GRIA3: variants seen among roughly 807,000 people sequenced by gnomAD.
GRIA3 encodes the protein glutamate receptor 3.
A neutral mutation model predicts 63.0 loss-of-function variants in GRIA3; 3 were observed. That is an observed-to-expected ratio of 0.05 (90% CI 0.02 to 0.12). GRIA3 has a LOEUF of 0.12. Among genes scored for constraint, GRIA3 ranks in the 10% least tolerant of loss-of-function variants. The pLI is 1.00. For missense variants in GRIA3, 347 were observed against 700.9 expected (o/e 0.50, Z 5.70); for synonymous variants, 274 against 257.9 (o/e 1.06, Z -0.60).
At position 123,229,309 on chromosome X, in the gene GRIA3, G is replaced by A. The variant is rs182056106; in HGVS notation, c.269-23994G>A. Among the ~76,000 whole-genome samples, 74 of 112,025 alleles carry A rather than the reference G, an allele frequency of 6.6e-4. 1 individual carries two copies. In the East Asian group the frequency reaches 0.017, roughly 26 times the overall value. On this transcript the variant is annotated intron_variant, in intron 2 of 15. Transcript: ENST00000620443. ...TCATGATGACCGTGAAACTGTAAAA[G>A]ACTTGGAGGTACTTTCTGATTTATT...
chrX:123,227,513 A>C (rs1476187281), intron 2 of GRIA3, among the ~76,000 whole-genome samples: 1 of 112,057 alleles, frequency 8.9e-6, no homozygotes. Flanking sequence ...TAAGTCAGTC[A>C]GCAATTACTT....
chrX:123,234,712 C>T (rs1217521284), intron 2 of GRIA3, among the ~76,000 whole-genome samples: 2 of 111,708 alleles, frequency 1.8e-5, no homozygotes, highest in East Asian at 5.6e-4. Flanking sequence ...GGGTCCTTAA[C>T]ACATATATAA....
intron 4 of GRIA3, among the ~76,000 whole-genome samples, chrX:123,352,049 A>G (rs2045098474): frequency 9.2e-6 from 1 of 109,142 alleles, no homozygotes; most frequent in Non-Finnish European, 1.9e-5. Context: ...CCACATTTAT[A>G]TAGCATCACA....
intron 2 of GRIA3, among the ~76,000 whole-genome samples, chrX:123,199,274 A>ATTTTTT (rs5903635): frequency 2.5e-5 from 2 of 78,624 alleles, no homozygotes; most frequent in Non-Finnish European, 4.7e-5. Flanking sequence ...AGTCTTTTAA[A>ATTTTTT]TTTTTTTTTT....
chrX:123,336,255 T>G (rs1373308757), intron 4 of GRIA3, among the ~76,000 whole-genome samples: 2 of 112,351 alleles, frequency 1.8e-5, no homozygotes, highest in Non-Finnish European at 3.8e-5. Context: ...AGACTCAAGT[T>G]CTTCACTGCA....
chrX:123,293,320 C>T (rs1159091260), intron 3 of GRIA3, among the ~76,000 whole-genome samples: 2 of 111,376 alleles, frequency 1.8e-5, no homozygotes, highest in Admixed American at 9.5e-5. Context: ...TTACAAAGCA[C>T]CCAGTATAGT....
intron 4 of GRIA3, among the ~76,000 whole-genome samples, chrX:123,352,550 C>G (rs1490516364): frequency 1.8e-5 from 2 of 111,935 alleles, no homozygotes; most frequent in East Asian, 5.6e-4. Flanking sequence ...TTTCACAACA[C>G]TGATGTCTTC....
chrX:123,314,860 C>T (rs1315702802), intron 3 of GRIA3, among the ~76,000 whole-genome samples: 2 of 112,027 alleles, frequency 1.8e-5, no homozygotes, highest in Non-Finnish European at 3.8e-5. Flanking sequence ...TATTGGGGTA[C>T]CTGTTAGCTC....
chrX:123,207,288 T>C, intron 2 of GRIA3, among the ~76,000 whole-genome samples: 1 of 112,138 alleles, frequency 8.9e-6, no homozygotes, highest in Non-Finnish European at 1.9e-5. Context: ...GTATTGAGAA[T>C]AATGAGTTAA....
chrX:123,234,430 G>A (rs187850724), intron 2 of GRIA3, among the ~76,000 whole-genome samples: 2 of 111,890 alleles, frequency 1.8e-5, no homozygotes, highest in East Asian at 5.6e-4. Context: ...TATGACTCTG[G>A]AATACTGATG....
intron 3 of GRIA3, among the ~76,000 whole-genome samples, chrX:123,261,797 C>T (rs2044461643): frequency 9.0e-6 from 1 of 111,581 alleles, no homozygotes. Context: ...GCTAAAATGT[C>T]ATCATACGAG....
Position 123,482,981 on chromosome X carries a change from T to G in GRIA3, c.2622T>G (p.Thr874=). The G allele has an allele frequency of 8.3e-7, 1 of 1,204,484 alleles. No individual in the cohort carries two copies. The highest frequency in any genetic ancestry group is 1.1e-6 in the Non-Finnish European group (1 of 889,093). The change falls in exon 15 of 16, where the codon ACT becomes ACG. Residue 874 remains threonine, a synonymous_variant. Transcript: ENST00000620443. Reference sequence around the variant, plus strand: ...TTAAGCCTGCTCCTGCCACCAACACTCAGAATTATGCTACATACAGAGAAG... The same window carrying G: ...TTAAGCCTGCTCCTGCCACCAACACGCAGAATTATGCTACATACAGAGAAG... The part of the protein sequence containing the change: ...QNFKPAPATN[T]QNYATYREGY...
chrX:123,338,141 TA>T (rs1233868268), intron 4 of GRIA3, among the ~76,000 whole-genome samples: 2 of 111,691 alleles, frequency 1.8e-5, no homozygotes, highest in Non-Finnish European at 3.8e-5. Flanking sequence ...ACCCCATCAA[TA>T]AAAGGTGGCA....
At chrX:123,281,685 T>C (rs750969599) in intron 3 of GRIA3, among the ~76,000 whole-genome samples, 2 of 111,670 alleles carry the variant, frequency 1.8e-5, no homozygotes, top group South Asian at 3.8e-4. Context: ...CAAATACATA[T>C]AGCCTTCCCA....
In GRIA3 at chrX:123,360,339, C is replaced by T. The variant is rs191928738; in HGVS notation, c.750+5376C>T. ...AATGTAAATAAATGAAGCACAAGCTCTAAATTTATGAGGATGAAGTGATCA... is the reference window on the plus strand; with the variant it reads ...AATGTAAATAAATGAAGCACAAGCTTTAAATTTATGAGGATGAAGTGATCA... On this transcript the variant is annotated intron_variant, in intron 5 of 15. Transcript: ENST00000620443. 3.7e-5 allele frequency among the ~76,000 whole-genome samples: 4 copies of T among 109,288 alleles called. No individual in the cohort carries two copies. In the Admixed American group the frequency reaches 3.9e-4, roughly 11 times the overall value. The allele number at this position is 109,288 out of a possible 115,157, so 94.9% of individuals were successfully genotyped here.
chrX:123,250,768 T>C (rs1173989820), intron 2 of GRIA3, among the ~76,000 whole-genome samples: 4 of 112,173 alleles, frequency 3.6e-5, no homozygotes, highest in Non-Finnish European at 5.6e-5. Context: ...CCAGTTAAAT[T>C]TGAATTTCAG....
chrX:123,449,443 T>A (rs1392625485), intron 12 of GRIA3, among the ~76,000 whole-genome samples: 1 of 112,322 alleles, frequency 8.9e-6, no homozygotes, highest in Non-Finnish European at 1.9e-5. Context: ...CCTCACTTGC[T>A]GCACTTATCA....
At chrX:123,432,506 T>C (rs2045623472) in intron 12 of GRIA3, among the ~76,000 whole-genome samples, 1 of 112,085 alleles carries the variant, frequency 8.9e-6, no homozygotes, top group African/African-American at 3.2e-5. Context: ...CTCACCTGAC[T>C]GGATGGCCCA....
intron 2 of GRIA3, among the ~76,000 whole-genome samples, chrX:123,195,471 T>C (rs755673491): frequency 1.8e-5 from 2 of 111,788 alleles, no homozygotes; most frequent in East Asian, 5.6e-4. Flanking sequence ...TCAACTTGGG[T>C]TGAAATTTCA....
Sources: gnomAD v4.1 joint callset for allele counts (sites outside exome capture counted in the v4.1 genomes callset) on GRCh38, gnomAD v4.1.1 for gene constraint, MANE v1.5 for transcripts, NCBI Gene and HGNC (gene_info 2026-07-23, HGNC 2026-07-21) for gene names.